Variants in ABCA8 observed in about 807,000 individuals in gnomAD.
The protein encoded by ABCA8 is ABC-type organic anion transporter ABCA8.
ABCA8 carries 177 observed loss-of-function variants against 192.3 expected under a neutral mutation model. That is an observed-to-expected ratio of 0.92 (90% CI 0.81 to 1.04). The LOEUF (loss-of-function observed/expected upper bound fraction) is 1.04, where lower values mean the gene tolerates loss of function less well. ABCA8 is among the 50% of genes least tolerant of loss of function. ABCA8 has a pLI of 0.00. For synonymous variants in ABCA8, 642 were observed against 690.2 expected, an observed-to-expected ratio of 0.93 and a Z score of 1.09; for missense variants, 1,915 against 1,904.8, an observed-to-expected ratio of 1.01 and a Z score of -0.10.
At chr17:68,947,239 G>A (rs772314311) in intron 2 of ABCA8, among the ~76,000 whole-genome samples, 9 of 151,980 alleles carry the variant, frequency 5.9e-5, no homozygotes, top group Non-Finnish European at 1.0e-4. Flanking sequence ...TTGTGATTAT[G>A]ATTATATCTA....
intron 5 of ABCA8, 126 bp downstream of exon 5, chr17:68,936,825 G>T: frequency 1.3e-6 from 1 of 745,718 alleles, no homozygotes; most frequent in East Asian, 3.2e-5. Context: ...TAAATGTTGA[G>T]GGACATGCAT....
intron 27 of ABCA8, 84 bp from the exon 28 acceptor site, chr17:68,884,480 G>A: frequency 7.0e-7 from 1 of 1,436,610 alleles, no homozygotes; most frequent in Non-Finnish European, 9.1e-7. Context: ...GCCCTAAACA[G>A]CCCTGCTAAC....
At chr17:68,915,820 C>T (rs1192887015) in intron 17 of ABCA8, among the ~76,000 whole-genome samples, 1 of 152,118 alleles carries the variant, frequency 6.6e-6, no homozygotes, top group Non-Finnish European at 1.5e-5. Flanking sequence ...GAAATATCTG[C>T]ACTCTCGTGT....
intron 17 of ABCA8, among the ~76,000 whole-genome samples, chr17:68,909,016 T>C (rs927132377): frequency 1.3e-5 from 2 of 152,170 alleles, no homozygotes; most frequent in South Asian, 2.1e-4. Flanking sequence ...ATATATGCTA[T>C]TTTTTTAGAA....
At position 68,929,602 on chromosome 17, in the gene ABCA8, T is replaced by C. The variant is rs747505203; in HGVS notation, c.898A>G (p.Met300Val). Residue 300 changes from methionine (M) to valine (V), a missense_variant, in exon 8 of 40, where the codon ATG becomes GTG. Transcript: ENST00000586539. ...STQFIILSGF[M>V]VVFSLFLLYG... ...AGGAGAAAGAGGCTGAAGACTACCATGAAGCCAGACAAAATGATAAACTGG... is the reference window on the plus strand; with the variant it reads ...AGGAGAAAGAGGCTGAAGACTACCACGAAGCCAGACAAAATGATAAACTGG... 6.2e-7 allele frequency: 1 copy of C among 1,613,690 alleles called. No individual in the cohort carries two copies. Among genetic ancestry groups the C allele is most frequent in the Non-Finnish European group, 8.5e-7 (1 of 1,179,808 alleles).
In ABCA8 at chr17:68,932,615, G is replaced by A. The variant is rs183969361; in HGVS notation, c.571-101C>T. The stretch of plus-strand genomic sequence containing the variant: ...TTGTGGATGTATGATTGGCCTATTG[G>A]GATTTGATACTAACCTAAATTTCCA... On this transcript the variant is annotated intron_variant, in intron 6 of 39. Transcript: ENST00000586539. The A allele has an allele frequency of 1.6e-4, 139 of 866,602 alleles. No homozygotes were observed. In the East Asian group the frequency reaches 3.3e-3, roughly 21 times the overall value. The allele number at this position is 866,602 out of a possible 1,614,324, so 53.7% of individuals were successfully genotyped here. A position where few individuals can be genotyped will look rare whatever the true frequency, so the allele number is the denominator to read the frequency against.
rs368022431 is a variant in ABCA8 at position 68,953,060 on chromosome 17, G to T, written c.-167+2159C>A. 1.1e-4 allele frequency among the ~76,000 whole-genome samples: 16 copies of T among 152,298 alleles called. No homozygotes were observed. The Middle Eastern group carries it at 0.01, about 97-fold the overall frequency. Reference sequence around the variant, plus strand: ...AACCACTGCTACACAAATAGGATTTGCTAAGCCACTCCTGAAAACTGTAGG... The same window carrying T: ...AACCACTGCTACACAAATAGGATTTTCTAAGCCACTCCTGAAAACTGTAGG... On this transcript the variant is annotated intron_variant, in intron 1 of 39. Transcript: ENST00000586539.
chr17:68,921,451 G>A lies in ABCA8; in HGVS notation c.1543C>T (p.Leu515Phe), dbSNP rs776589114. 83 of 1,609,042 alleles carry A rather than the reference G, an allele frequency of 5.2e-5. No homozygotes were observed. Among genetic ancestry groups the A allele is most frequent in the Non-Finnish European group, 6.8e-5 (80 of 1,176,812 alleles). ...DIYEGQITAI[L>F]GHSGAGKSTL... Reference sequence around the variant, plus strand: ...GACTTTCCAGCTCCACTGTGACCAAGTATTGCAGTGATTTGGCCTTCGTAA... The same window carrying A: ...GACTTTCCAGCTCCACTGTGACCAAATATTGCAGTGATTTGGCCTTCGTAA... Residue 515 changes from leucine to phenylalanine, a missense_variant, in exon 13 of 40, where the codon CTT becomes TTT. Leu to Phe is a conservative substitution (Grantham distance 22, BLOSUM62 0). Transcript: ENST00000586539.
At chr17:68,945,100 CTCCTTTACTG>C (rs2068361982) in intron 2 of ABCA8, among the ~76,000 whole-genome samples, 1 of 152,080 alleles carries the variant, frequency 6.6e-6, no homozygotes, top group Non-Finnish European at 1.5e-5. Flanking sequence ...TGGAGGGGGT[CTCCTTTACTG>C]CTTGGGTGCA....
intron 13 of ABCA8, among the ~76,000 whole-genome samples, chr17:68,920,212 A>G (rs1024692195): frequency 6.6e-6 from 1 of 152,134 alleles, no homozygotes; most frequent in Non-Finnish European, 1.5e-5. Flanking sequence ...AGAACTTATG[A>G]ACACAAAAAG....
chr17:68,922,194 C>CTCTTTTTT (rs2067555391), intron 12 of ABCA8, 48 bp downstream of exon 12: 9 of 527,412 alleles, frequency 1.7e-5, no homozygotes, highest in Non-Finnish European at 2.0e-5. Context: ...TTCTCTCTCT[C>CTCTTTTTT]TTTTTTTTTT....
chr17:68,921,543 C>T, intron 12 of ABCA8, 51 bp from the exon 13 acceptor site: 1 of 1,166,238 alleles, frequency 8.6e-7, no homozygotes, highest in Non-Finnish European at 1.2e-6. Flanking sequence ...GGATGGAAAA[C>T]AATTAAAACC....
At position 68,942,029 on chromosome 17, in the gene ABCA8, C is replaced by T; in HGVS notation, c.6G>A (p.Arg2=). M[R]KRKISVCQQT... The stretch of plus-strand genomic sequence containing the variant: ...GTTGACACACACTGATCTTTCTCTT[C>T]CTCATCTTGTCTTGTTTAATGAAAA... Residue 2 remains arginine, a synonymous_variant, in exon 3 of 40, where the codon AGG becomes AGA. Transcript: ENST00000586539. The T allele has an allele frequency of 4.4e-6, 7 of 1,607,546 alleles. No individual in the cohort carries two copies. Among genetic ancestry groups the T allele is most frequent in the Admixed American group, 1.7e-5 (1 of 59,342 alleles).
At chr17:68,937,249 A>G in intron 4 of ABCA8, 134 bp from the exon 5 acceptor site, 2 of 764,706 alleles carry the variant, frequency 2.6e-6, no homozygotes, top group Non-Finnish European at 3.9e-6. Context: ...TTAGAAAGTT[A>G]GACTAAAATG....
rs2066479524 is a variant in ABCA8, at chr17:68,887,044, A to G, written c.3402T>C (p.Ser1134=). ...SFIFRKGRKN[S]GIWSFCFYVV... ...CATAGAAACAAAATGACCAAATGCC[A>G]CTATTTTTTCTCCCCTTGCGAAAGA... Residue 1134 remains serine, a synonymous_variant, in exon 26 of 40, where the codon AGT becomes AGC. Coordinates refer to ENST00000586539, the MANE Select transcript of ABCA8 (RefSeq NM_001288985.2). The G allele has an allele frequency of 6.2e-7, 1 of 1,611,178 alleles. No individual in the cohort carries two copies. Among genetic ancestry groups the G allele is most frequent in the African/African-American group, 1.3e-5 (1 of 74,842 alleles).
chr17:68,942,834 A>G (rs747955661), intron 2 of ABCA8, among the ~76,000 whole-genome samples: 1 of 152,172 alleles, frequency 6.6e-6, no homozygotes, highest in African/African-American at 2.4e-5. Flanking sequence ...ACTATTCAAT[A>G]GTTCTGTATA....
At chr17:68,944,318 ATATATATATATATATATATATATATAT>A (rs2068323213) in intron 2 of ABCA8, among the ~76,000 whole-genome samples, 10 of 55,064 alleles carry the variant, frequency 1.8e-4, no homozygotes, top group African/African-American at 4.8e-4. Context: ...ACTTAAAGTT[ATATATATATATATATATATATATATAT>A]ATATATATAT....
chr17:68,894,226 C>T lies in ABCA8; in HGVS notation c.2983G>A (p.Gly995Arg), dbSNP rs368506641. 2.6e-5 allele frequency: 42 copies of T among 1,613,054 alleles called. No individual in the cohort carries two copies. Among genetic ancestry groups the T allele is most frequent in the Non-Finnish European group, 3.4e-5 (40 of 1,179,662 alleles). ...ATATGTACTGATGGTTTAACCATTC[C>T]AAGTAGCCCATTACTAACAATGTCC... The part of the protein sequence containing the change: ...LMDIVSNGLL[G>R]MVKPSVHIRT... Residue 995 changes from glycine to arginine, a missense_variant, in exon 23 of 40, where the codon GGA becomes AGA. Coordinates refer to ENST00000586539, the MANE Select transcript of ABCA8 (RefSeq NM_001288985.2).
intron 21 of ABCA8, among the ~76,000 whole-genome samples, chr17:68,900,560 G>C (rs1311289051): frequency 1.0e-5 from 1 of 100,072 alleles, no homozygotes; most frequent in African/African-American, 4.1e-5. Context: ...AAAAAAAAAA[G>C]AAGTGCAGGG....
Sources: gnomAD v4.1 joint callset for allele counts (sites outside exome capture counted in the v4.1 genomes callset) on GRCh38, gnomAD v4.1.1 for gene constraint, MANE v1.5 for transcripts, NCBI Gene and HGNC (gene_info 2026-07-23, HGNC 2026-07-21) for gene names.